DIAPH3: variants seen among roughly 807,000 people sequenced by gnomAD.
DIAPH3 encodes the protein diaphanous related formin 3.
DIAPH3 carries 117 observed loss-of-function variants against 144.3 expected under a neutral mutation model. That is an observed-to-expected ratio of 0.81 (90% CI 0.70 to 0.95). The LOEUF is 0.95. DIAPH3 is among the 40% of genes least tolerant of loss of function. DIAPH3 has a pLI of 0.00. For missense variants in DIAPH3, 1,421 were observed against 1,412.7 expected (o/e 1.01, Z -0.09); for synonymous variants, 519 against 488.9 (o/e 1.06, Z -0.81).
chr13:59,780,578 C>T (rs1342246083), intron 25 of DIAPH3, among the ~76,000 whole-genome samples: 2 of 151,992 alleles, frequency 1.3e-5, no homozygotes, highest in Non-Finnish European at 2.9e-5. Flanking sequence ...ATGTGAAAAA[C>T]ATATCATCTT....
At chr13:60,048,982 A>T (rs1288809467) in intron 4 of DIAPH3, among the ~76,000 whole-genome samples, 9 of 152,262 alleles carry the variant, frequency 5.9e-5, no homozygotes, top group African/African-American at 2.2e-4. Flanking sequence ...AAAATCTACG[A>T]TGTATGGAAT....
chr13:59,882,498 C>T (rs1014058230), intron 20 of DIAPH3, among the ~76,000 whole-genome samples: 2 of 152,126 alleles, frequency 1.3e-5, no homozygotes, highest in African/African-American at 4.8e-5. Context: ...CCAATGTTTC[C>T]GCATCCTCAC....
At chr13:59,877,755 C>A (rs7994423) in intron 21 of DIAPH3, among the ~76,000 whole-genome samples, 188 of 151,940 alleles carry the variant, frequency 1.2e-3, no homozygotes, top group African/African-American at 3.8e-3. Context: ...ACCAATTTAT[C>A]ACCTCAGTCT....
intron 20 of DIAPH3, among the ~76,000 whole-genome samples, chr13:59,885,234 A>G (rs556261697): frequency 4.6e-5 from 7 of 152,096 alleles, no homozygotes; most frequent in African/African-American, 7.2e-5. Context: ...GTCTTAACAC[A>G]TAAGTTTCAT....
chr13:59,983,888 C>T lies in DIAPH3; in HGVS notation c.1362-1G>A. On this transcript the variant is annotated splice_acceptor_variant, in intron 12 of 27. Transcript: ENST00000400324. LOFTEE classifies it high-confidence loss of function. ...ATCAATTAATTTGAAGTATTGTTGCCTAAAACCAAAGAAAAGAGTAAATGT... is the reference window on the plus strand; with the variant it reads ...ATCAATTAATTTGAAGTATTGTTGCTTAAAACCAAAGAAAAGAGTAAATGT... 1 of 1,576,886 alleles carries T rather than the reference C, an allele frequency of 6.3e-7. No individual in the cohort carries two copies. The highest frequency in any genetic ancestry group is 8.7e-7 in the Non-Finnish European group (1 of 1,147,984).
At chr13:59,900,275 A>T (rs962934618) in intron 20 of DIAPH3, among the ~76,000 whole-genome samples, 2 of 152,182 alleles carry the variant, frequency 1.3e-5, no homozygotes, top group African/African-American at 4.8e-5. Flanking sequence ...TATATTTATT[A>T]TCATGATGTA....
intron 2 of DIAPH3, among the ~76,000 whole-genome samples, chr13:60,117,000 C>G (rs2058720319): frequency 6.6e-6 from 1 of 151,960 alleles, no homozygotes; most frequent in African/African-American, 2.4e-5. Context: ...CTCCAAAACA[C>G]TTTTGTACCT....
chr13:59,795,455 C>CTCT (rs1555299669), intron 25 of DIAPH3, among the ~76,000 whole-genome samples: 2 of 136,884 alleles, frequency 1.5e-5, no homozygotes, highest in Admixed American at 7.6e-5. Flanking sequence ...TTCTCTCTCT[C>CTCT]TTTTTTTTTT....
At chr13:60,125,307 G>C (rs1050407694) in intron 2 of DIAPH3, among the ~76,000 whole-genome samples, 1 of 151,542 alleles carries the variant, frequency 6.6e-6, no homozygotes, top group African/African-American at 2.4e-5. Context: ...TCAAACTCCA[G>C]GGTTCAAGTG....
At chr13:60,063,875 G>C (rs1033906625) in intron 4 of DIAPH3, among the ~76,000 whole-genome samples, 2 of 151,912 alleles carry the variant, frequency 1.3e-5, no homozygotes, top group Admixed American at 1.3e-4. Context: ...GTTGCAGTGA[G>C]CCAAGATCGC....
chr13:59,938,894 C>T (rs938170877), intron 17 of DIAPH3, among the ~76,000 whole-genome samples: 6 of 152,210 alleles, frequency 3.9e-5, no homozygotes, highest in South Asian at 2.1e-4. Flanking sequence ...GGATGCACAA[C>T]GTTAGTGTTG....
chr13:60,157,470 C>G (rs957392408), intron 1 of DIAPH3, among the ~76,000 whole-genome samples: 5 of 152,200 alleles, frequency 3.3e-5, no homozygotes, highest in Non-Finnish European at 5.9e-5. Context: ...TGTTTCTCTA[C>G]AGAGGTTTCC....
At chr13:59,780,262 C>T (rs1006983220) in intron 25 of DIAPH3, among the ~76,000 whole-genome samples, 12 of 151,916 alleles carry the variant, frequency 7.9e-5, no homozygotes, top group African/African-American at 2.9e-4. Flanking sequence ...AATGATGACT[C>T]GAAGAATAAG....
intron 27 of DIAPH3, among the ~76,000 whole-genome samples, chr13:59,762,405 C>G (rs945632161): frequency 6.6e-6 from 1 of 152,020 alleles, no homozygotes; most frequent in African/African-American, 2.4e-5. Flanking sequence ...AGATACATTT[C>G]TGCCATATTT....
rs952833162 is a variant in DIAPH3, at chr13:60,136,779, C to CA, written c.181-3791dup. 3.9e-3 allele frequency among the ~76,000 whole-genome samples: 573 copies of CA among 145,470 alleles called. 6 individuals carry two copies. The highest frequency in any genetic ancestry group is 0.029 in the East Asian group (147 of 5,014). On this transcript the variant is annotated intron_variant, in intron 1 of 27. Transcript: ENST00000400324. ...TGAAACCCCGTCTCTACTAAAAATA[C>CA]AAAAAAAAAAATTAGCCGGGCGTGG...
At chr13:59,800,333 C>T (rs1320794744) in intron 25 of DIAPH3, among the ~76,000 whole-genome samples, 1 of 152,098 alleles carries the variant, frequency 6.6e-6, no homozygotes, top group African/African-American at 2.4e-5. Flanking sequence ...CTACTTATAT[C>T]AAAGTGCAAT....
chr13:59,704,110 G>A (rs754170072), intron 27 of DIAPH3, among the ~76,000 whole-genome samples: 1 of 152,172 alleles, frequency 6.6e-6, no homozygotes, highest in African/African-American at 2.4e-5. Flanking sequence ...CTTAGACTTC[G>A]TCTCTTTTGC....
intron 26 of DIAPH3, 41 bp downstream of exon 26, chr13:59,774,687 T>C (rs2139281256): frequency 5.2e-6 from 8 of 1,550,852 alleles, no homozygotes; most frequent in East Asian, 2.2e-5. Flanking sequence ...TTCTCTGTGA[T>C]AGCTCCCTAG....
chr13:59,796,104 T>C (rs1263239834), intron 25 of DIAPH3, among the ~76,000 whole-genome samples: 2 of 152,216 alleles, frequency 1.3e-5, no homozygotes, highest in African/African-American at 4.8e-5. Flanking sequence ...TTCCTGCGGA[T>C]AACTGAGAGT....
Sources: allele counts gnomAD v4.1 joint callset (sites outside exome capture counted in the v4.1 genomes callset), GRCh38; gene constraint gnomAD v4.1.1; transcripts MANE v1.5; gene names NCBI Gene and HGNC (gene_info 2026-07-23, HGNC 2026-07-21).